The following IPO5 variants were observed in gnomAD, a reference collection of about 807,000 sequenced individuals.
IPO5 encodes the protein importin 5.
A neutral mutation model predicts 143.3 loss-of-function variants in IPO5; 18 were observed. That is an observed-to-expected ratio of 0.13 (90% CI 0.09 to 0.19). The LOEUF is 0.19. Among genes scored for constraint, IPO5 ranks in the 10% least tolerant of loss-of-function variants. IPO5 has a pLI of 1.00. For missense variants in IPO5, 1,013 were observed against 1,336.9 expected, an observed-to-expected ratio of 0.76 and a Z score of 3.78; for synonymous variants, 477 against 465.7, an observed-to-expected ratio of 1.02 and a Z score of -0.31.
At position 97,985,351 on chromosome 13, in the gene IPO5, T is replaced by C. The variant is rs1056228218; in HGVS notation, c.172-70T>C. The stretch of plus-strand genomic sequence containing the variant: ...TAGAAAATTAGGCGCTTTTGAAATA[T>C]AAAAATACAACAGTGAAATACATCA... On this transcript the variant is annotated intron_variant, in intron 5 of 28. Transcript: ENST00000651721. The C allele has an allele frequency of 7.8e-6, 10 of 1,281,190 alleles. No homozygotes were observed. The Admixed American group carries it at 1.6e-4, about 20-fold the overall frequency. The allele number at this position is 1,281,190 out of a possible 1,614,324, so 79.4% of individuals were successfully genotyped here.
At chr13:97,960,548 TTTTA>T (rs1884784357) in intron 2 of IPO5, 2 of 147,272 alleles carry the variant, frequency 1.4e-5, no homozygotes, top group Non-Finnish European at 3.0e-5. Context: ...TTACTTTTTA[TTTTA>T]TTTATTTGGT....
chr13:97,992,347 G>T (rs1887873887), intron 9 of IPO5, among the ~76,000 whole-genome samples: 1 of 152,124 alleles, frequency 6.6e-6, no homozygotes, highest in African/African-American at 2.4e-5. Context: ...GGGTAATATT[G>T]GACACTTTAA....
intron 25 of IPO5, among the ~76,000 whole-genome samples, chr13:98,017,284 C>G (rs111775283): frequency 0.017 from 2,621 of 151,310 alleles, 41 homozygotes; most frequent in Middle Eastern, 0.034. Context: ...TTCTCTCACC[C>G]TTATATTTGA....
Position 97,998,298 on chromosome 13 carries a change from G to A in IPO5, c.1001+680G>A, listed in dbSNP as rs572303657. 1.8e-3 allele frequency among the ~76,000 whole-genome samples: 280 copies of A among 152,202 alleles called. 1 individual carries two copies. The highest frequency in any genetic ancestry group is 2.8e-3 in the Non-Finnish European group (187 of 67,994). On this transcript the variant is annotated intron_variant, in intron 12 of 28. Transcript: ENST00000651721. ...CCAAGTATCTATGTTTTTAACTGTC[G>A]TACTCTAAATTATTTCCAAGTTTTT... is the stretch of plus-strand genomic sequence containing the variant.
At chr13:98,009,821 T>G in intron 18 of IPO5, 60 bp from the exon 19 acceptor site, 1 of 1,293,054 alleles carries the variant, frequency 7.7e-7, no homozygotes, top group Non-Finnish European at 1.1e-6. Flanking sequence ...GGAAATGGCT[T>G]TCTTTATCAC....
At chr13:97,981,061 T>G (rs932531433) in intron 4 of IPO5, among the ~76,000 whole-genome samples, 22 of 152,206 alleles carry the variant, frequency 1.4e-4, no homozygotes, top group African/African-American at 5.3e-4. Context: ...TGTGAATATC[T>G]TTACATAAAT....
intron 25 of IPO5, among the ~76,000 whole-genome samples, chr13:98,018,234 G>C (rs1890252951): frequency 6.6e-6 from 1 of 152,038 alleles, no homozygotes; most frequent in Non-Finnish European, 1.5e-5. Context: ...TCCACTGTCA[G>C]TTCTTCTGTG....
chr13:97,985,663 CTT>C (rs11366582), intron 6 of IPO5, 50 bp downstream of exon 6: 28,878 of 896,014 alleles, frequency 0.032, 2 homozygotes, highest in South Asian at 0.039. Flanking sequence ...TATATCCTTC[CTT>C]TTTTTTTTTT....
intron 11 of IPO5, among the ~76,000 whole-genome samples, chr13:97,996,673 G>T (rs2139732132): frequency 6.6e-6 from 1 of 152,130 alleles, no homozygotes; most frequent in Non-Finnish European, 1.5e-5. Flanking sequence ...TGTGATCTTG[G>T]CTCACAGCGA....
intron 2 of IPO5, among the ~76,000 whole-genome samples, chr13:97,969,153 G>GTATATATA (rs1210544640): frequency 0.011 from 710 of 63,372 alleles, 22 homozygotes; most frequent in Non-Finnish European, 0.015. Flanking sequence ...TTTCTGCTAA[G>GTATATATA]TATATATATA....
chr13:97,959,602 C>T (rs770777085), intron 2 of IPO5, among the ~76,000 whole-genome samples: 6 of 151,972 alleles, frequency 3.9e-5, no homozygotes, highest in Non-Finnish European at 7.4e-5. Flanking sequence ...GGTGTGGTGG[C>T]GGGCGCCTAT....
intron 21 of IPO5, 139 bp from the exon 22 acceptor site, chr13:98,013,903 A>G (rs1235095533): frequency 1.5e-6 from 1 of 647,976 alleles, no homozygotes; most frequent in Non-Finnish European, 2.6e-6. Context: ...TTCTATTTTT[A>G]TACATGCTTT....
intron 2 of IPO5, among the ~76,000 whole-genome samples, chr13:97,969,315 G>A (rs181179788): frequency 0.01 from 1,489 of 141,814 alleles, 13 homozygotes; most frequent in Middle Eastern, 0.025. Flanking sequence ...CCGAGTAGCT[G>A]GGACTACAGG....
rs948130868 is a variant in IPO5, at chr13:98,023,787, T to C, written c.*1965T>C. ...TAAAAGCAGAAAAGCAAAGAGGTAA[T>C]TGGAGTTGAATCAAGTTAATAGGGA... On this transcript the variant is annotated 3_prime_UTR_variant, in exon 29 of 29. Coordinates refer to ENST00000651721, the MANE Select transcript of IPO5 (RefSeq NM_002271.6). 6.6e-6 allele frequency: 1 copy of C among 152,166 alleles called. No homozygotes were observed. Among genetic ancestry groups the C allele is most frequent in the Admixed American group, 6.6e-5 (1 of 15,266 alleles). The allele number at this position is 152,166 out of a possible 1,614,324, so 9.4% of individuals were successfully genotyped here.
At chr13:97,954,000 C>T in intron 1 of IPO5, 119 bp from the exon 2 acceptor site, 1 of 435,670 alleles carries the variant, frequency 2.3e-6, no homozygotes, top group Non-Finnish European at 4.6e-6. Flanking sequence ...TGGGGACTAA[C>T]TCTGTATCCT....
intron 2 of IPO5, among the ~76,000 whole-genome samples, chr13:97,965,266 G>A (rs1023926562): frequency 6.6e-6 from 1 of 152,088 alleles, no homozygotes; most frequent in South Asian, 2.1e-4. Flanking sequence ...TAGATGATGG[G>A]TTGGTAGGTG....
At position 98,010,021 on chromosome 13, in the gene IPO5, T is replaced by C. The variant is rs1361282538; in HGVS notation, c.1933+8T>C. The C allele has an allele frequency of 6.2e-7, 1 of 1,613,900 alleles. No individual in the cohort carries two copies. Among genetic ancestry groups the C allele is most frequent in the Non-Finnish European group, 8.5e-7 (1 of 1,179,938 alleles). On this transcript the variant is annotated splice_region_variant and intron_variant, in intron 19 of 28. Transcript: ENST00000651721. ...AAGTAGCCCTTTTAGATAGTAGGTG[T>C]CTTTAGAAGGAGCTATCGGTTATAA...
At chr13:97,978,028 G>A (rs890113685) in intron 4 of IPO5, among the ~76,000 whole-genome samples, 2 of 152,174 alleles carry the variant, frequency 1.3e-5, no homozygotes, top group Non-Finnish European at 2.9e-5. Flanking sequence ...GTTACACTTA[G>A]GGGTTTTATA....
chr13:97,969,112 A>G (rs1308565845), intron 2 of IPO5, among the ~76,000 whole-genome samples: 1 of 147,360 alleles, frequency 6.8e-6, no homozygotes, highest in Non-Finnish European at 1.5e-5. Context: ...TTTGTGTTCT[A>G]AGAAAAATCA....
Sources: gnomAD v4.1 joint callset for allele counts (sites outside exome capture counted in the v4.1 genomes callset) on GRCh38, gnomAD v4.1.1 for gene constraint, MANE v1.5 for transcripts, NCBI Gene and HGNC (gene_info 2026-07-23, HGNC 2026-07-21) for gene names.